Variants in ELF1 observed in about 807,000 individuals in gnomAD.
The protein encoded by ELF1 is E74 like ETS transcription factor 1.
A neutral mutation model predicts 59.9 loss-of-function variants in ELF1; 24 were observed. That is an observed-to-expected ratio of 0.40 (90% CI 0.29 to 0.56). The LOEUF (loss-of-function observed/expected upper bound fraction) is 0.56. Among genes scored for constraint, ELF1 ranks in the 20% least tolerant of loss-of-function variants. The pLI, the probability that ELF1 is intolerant of heterozygous loss-of-function variation, is 0.44. For missense variants in ELF1, 627 were observed against 742.2 expected (o/e 0.84, Z 1.80); for synonymous variants, 248 against 266.2 (o/e 0.93, Z 0.67).
upstream of ELF1, among the ~76,000 whole-genome samples, chr13:41,021,844 C>T (rs1375545780): frequency 6.6e-6 from 1 of 152,086 alleles, no homozygotes; most frequent in African/African-American, 2.4e-5. Flanking sequence ...AACATCAATA[C>T]TCAATAGGGA....
chr13:40,969,962 A>T lies in ELF1; in HGVS notation c.73-10946T>A, dbSNP rs77775759. ...CACTCACGAAACTATCTGGGCCTAC[A>T]GGTTTTGTGCATGTGGGGATTGTTC... On this transcript the variant is annotated intron_variant, in intron 2 of 8. Transcript: ENST00000239882. 6.8e-3 allele frequency among the ~76,000 whole-genome samples: 1,028 copies of T among 152,268 alleles called. 9 individuals carry two copies. Among genetic ancestry groups the T allele is most frequent in the African/African-American group, 0.024 (981 of 41,536 alleles).
chr13:40,950,241 T>C (rs1308344778), intron 4 of ELF1, among the ~76,000 whole-genome samples: 2 of 152,136 alleles, frequency 1.3e-5, no homozygotes, highest in African/African-American at 4.8e-5. Flanking sequence ...GCTGTGAGAG[T>C]TATTTTCTGA....
chr13:41,009,575 G>A (rs369851890), intron 1 of ELF1, among the ~76,000 whole-genome samples: 5 of 152,118 alleles, frequency 3.3e-5, no homozygotes, highest in East Asian at 3.9e-4. Flanking sequence ...AAAACACAGG[G>A]GGGCTATTTG....
chr13:41,059,857 GC>G (rs1877434005), intron 1 of ELF1, among the ~76,000 whole-genome samples: 2 of 152,044 alleles, frequency 1.3e-5, no homozygotes, highest in South Asian at 2.1e-4. Context: ...AGGATGTTTT[GC>G]CGTTGTTTTA....
intron 2 of ELF1, among the ~76,000 whole-genome samples, chr13:40,963,725 G>T (rs1593365962): frequency 1.3e-5 from 2 of 152,220 alleles, no homozygotes; most frequent in East Asian, 3.9e-4. Flanking sequence ...TGGCCAACAT[G>T]GTAAAACCCT....
At chr13:41,045,126 G>C (rs1473337364) in intron 1 of ELF1, among the ~76,000 whole-genome samples, 4 of 151,586 alleles carry the variant, frequency 2.6e-5, no homozygotes, top group African/African-American at 4.8e-5. Flanking sequence ...CATTTCTGTG[G>C]TATCAGTTGT....
chr13:40,954,955 A>T (rs2138177043), intron 3 of ELF1, among the ~76,000 whole-genome samples: 1 of 129,480 alleles, frequency 7.7e-6, no homozygotes, highest in Non-Finnish European at 1.7e-5. Context: ...CCCAGTCTGG[A>T]AAGTGAGGAG....
At chr13:40,997,704 C>T (rs1874200177) in intron 1 of ELF1, among the ~76,000 whole-genome samples, 1 of 152,024 alleles carries the variant, frequency 6.6e-6, no homozygotes, top group Non-Finnish European at 1.5e-5. Context: ...CTCTTTTCTT[C>T]TTTAAATTAC....
At chr13:40,937,912 G>A (rs1333608276) in intron 8 of ELF1, among the ~76,000 whole-genome samples, 1 of 152,170 alleles carries the variant, frequency 6.6e-6, no homozygotes, top group Non-Finnish European at 1.5e-5. Flanking sequence ...CCCCTCCTGA[G>A]TTCAAGTTAT....
At position 40,982,127 on chromosome 13, in the gene ELF1, T is replaced by G; in HGVS notation, c.-73A>C. On this transcript the variant is annotated 5_prime_UTR_variant, in exon 2 of 9. Transcript: ENST00000239882. ...TCACGTATCAGGCAGCAAAATCCAG[T>G]GACTGATTTGGGTAAAAAACCCTCA... is the stretch of plus-strand genomic sequence containing the variant. 3 of 1,571,756 alleles carry G rather than the reference T, an allele frequency of 1.9e-6. No individual in the cohort carries two copies. The highest frequency in any genetic ancestry group is 3.6e-5 in the Admixed American group (2 of 55,652).
chr13:40,985,345 AAG>A (rs1873498094), intron 1 of ELF1, among the ~76,000 whole-genome samples: 1 of 152,214 alleles, frequency 6.6e-6, no homozygotes, highest in African/African-American at 2.4e-5. Context: ...AGTAACAGAC[AAG>A]ACTGAAGATC....
At chr13:40,984,623 AAAG>A (rs759225007) in intron 1 of ELF1, among the ~76,000 whole-genome samples, 26 of 152,230 alleles carry the variant, frequency 1.7e-4, no homozygotes, top group South Asian at 4.1e-4. Context: ...TTTATTTAAA[AAAG>A]AATAACTGAT....
intron 1 of ELF1, among the ~76,000 whole-genome samples, chr13:41,053,881 A>G (rs763207736): frequency 1.3e-5 from 2 of 152,234 alleles, no homozygotes; most frequent in Non-Finnish European, 2.9e-5. Flanking sequence ...TATAAATACA[A>G]TTAAGGCAAT....
chr13:40,993,248 A>G (rs928184874), intron 1 of ELF1: 2 of 1,579,316 alleles, frequency 1.3e-6, no homozygotes, highest in Non-Finnish European at 1.7e-6. Context: ...CAACAAAAGC[A>G]ACAGATGTTG....
intron 1 of ELF1, among the ~76,000 whole-genome samples, chr13:41,058,734 A>G (rs1485749505): frequency 6.6e-6 from 1 of 152,200 alleles, no homozygotes; most frequent in Non-Finnish European, 1.5e-5. Context: ...GCACTTTGGG[A>G]GGCCGAGGTG....
chr13:40,953,043 C>T (rs931116240), intron 3 of ELF1, among the ~76,000 whole-genome samples: 15 of 145,342 alleles, frequency 1.0e-4, no homozygotes, highest in Non-Finnish European at 1.5e-4. Flanking sequence ...ATGGTGTGAT[C>T]TTGGCTCACC....
chr13:41,050,695 C>A (rs545152941), intron 1 of ELF1, among the ~76,000 whole-genome samples: 1 of 152,274 alleles, frequency 6.6e-6, no homozygotes, highest in Non-Finnish European at 1.5e-5. Flanking sequence ...GGACTACAGG[C>A]ACCTGCCACC....
intron 2 of ELF1, among the ~76,000 whole-genome samples, chr13:40,963,219 A>G (rs1425071064): frequency 6.6e-6 from 1 of 152,154 alleles, no homozygotes; most frequent in Non-Finnish European, 1.5e-5. Context: ...TTACTTATAC[A>G]CTATTGTAGT....
chr13:41,008,848 T>A (rs1257678683), intron 1 of ELF1, among the ~76,000 whole-genome samples: 1 of 152,188 alleles, frequency 6.6e-6, no homozygotes. Flanking sequence ...ACAGATTTCA[T>A]GCAAAAGCAA....
Sources: allele counts gnomAD v4.1 joint callset (sites outside exome capture counted in the v4.1 genomes callset), GRCh38; gene constraint gnomAD v4.1.1; transcripts MANE v1.5; gene names NCBI Gene and HGNC (gene_info 2026-07-23, HGNC 2026-07-21).